Variants in MKLN1 observed in about 807,000 individuals in gnomAD.
The protein encoded by MKLN1 is muskelin.
In MKLN1, 18 loss-of-function variants were observed where a neutral mutation model predicts 99.0. The observed-to-expected ratio is 0.18, with a 90% CI of 0.13 to 0.27. The LOEUF (loss-of-function observed/expected upper bound fraction) is 0.27. Ranked by LOEUF, MKLN1 falls within the 10% of genes least tolerant of loss-of-function variation. The pLI is 1.00. For synonymous variants in MKLN1, 288 were observed against 293.2 expected (o/e 0.98, Z 0.18); for missense variants, 621 against 875.9 (o/e 0.71, Z 3.67).
intron 1 of MKLN1, among the ~76,000 whole-genome samples, chr7:131,357,128 T>G (rs1799908294): frequency 6.6e-6 from 1 of 152,198 alleles, no homozygotes; most frequent in South Asian, 2.1e-4. Flanking sequence ...TAATCCATAG[T>G]TTATTTAAAT....
intron 2 of MKLN1, among the ~76,000 whole-genome samples, chr7:131,187,046 G>C (rs1253613485): frequency 6.6e-6 from 1 of 152,204 alleles, no homozygotes; most frequent in Non-Finnish European, 1.5e-5. Context: ...CTCCGAGTAG[G>C]CAAGAAGGAC....
intron 3 of MKLN1, among the ~76,000 whole-genome samples, chr7:131,313,929 C>T (rs1403171601): frequency 6.6e-6 from 1 of 152,110 alleles, no homozygotes; most frequent in Non-Finnish European, 1.5e-5. Context: ...ATCCTGGGTC[C>T]CCAAAAAGAG....
In MKLN1 at chr7:131,295,547, G is replaced by GAA. The variant is rs59935776; in HGVS notation, c.-178-79869_-178-79868dup. On this transcript the variant is annotated intron_variant, in intron 3 of 7. Transcript: ENST00000416992. ...TCTTACAGTTTTATGAGGGAAAAAA[G>GAA]AAAAAAAAAGGCATAAAGAATAGGA... Among the ~76,000 whole-genome samples, 226 of 149,438 alleles carry GAA rather than the reference G, an allele frequency of 1.5e-3. 2 individuals carry two copies. Among genetic ancestry groups the GAA allele is most frequent in the African/African-American group, 5.0e-3 (201 of 40,590 alleles).
At chr7:131,328,169 C>T (rs528311907) in intron 1 of MKLN1, 172 bp downstream of exon 1, 62 of 811,592 alleles carry the variant, frequency 7.6e-5, no homozygotes, top group Middle Eastern at 3.5e-4. Context: ...CGGCCTCGCT[C>T]GGGAAGGGGT....
chr7:131,480,600 C>T (rs749556313), intron 17 of MKLN1, among the ~76,000 whole-genome samples: 1 of 152,130 alleles, frequency 6.6e-6, no homozygotes, highest in Non-Finnish European at 1.5e-5. Flanking sequence ...GAAGGTTCTC[C>T]TAAGAATTTA....
intron 15 of MKLN1, among the ~76,000 whole-genome samples, chr7:131,466,744 T>G (rs923480525): frequency 6.6e-6 from 1 of 152,210 alleles, no homozygotes; most frequent in African/African-American, 2.4e-5. Flanking sequence ...TGCCTGAGCT[T>G]TTGATAACTC....
At chr7:131,216,422 C>T (rs77203351) in intron 3 of MKLN1, among the ~76,000 whole-genome samples, 2 of 116,426 alleles carry the variant, frequency 1.7e-5, no homozygotes, top group African/African-American at 6.6e-5. Context: ...GTCTCTGACT[C>T]AAAAAAAAAA....
At chr7:131,195,196 G>A (rs550028024) in intron 2 of MKLN1, among the ~76,000 whole-genome samples, 13 of 152,244 alleles carry the variant, frequency 8.5e-5, no homozygotes, top group Admixed American at 5.9e-4. Flanking sequence ...GAGGAGACGC[G>A]TTAAAGAAGG....
chr7:131,165,431 C>T (rs572189557), intron 2 of MKLN1, among the ~76,000 whole-genome samples: 5 of 152,220 alleles, frequency 3.3e-5, no homozygotes, highest in African/African-American at 7.2e-5. Flanking sequence ...GTGATCTGCC[C>T]GCCTCGGCCT....
At chr7:131,125,123 T>C (rs1221299179) in intron 1 of MKLN1, among the ~76,000 whole-genome samples, 1 of 152,186 alleles carries the variant, frequency 6.6e-6, no homozygotes, top group Non-Finnish European at 1.5e-5. Flanking sequence ...ACATCAGTAA[T>C]GCTTTCCCAA....
intron 3 of MKLN1, among the ~76,000 whole-genome samples, chr7:131,218,323 C>G (rs1797013869): frequency 6.6e-6 from 1 of 152,154 alleles, no homozygotes; most frequent in Non-Finnish European, 1.5e-5. Flanking sequence ...AAAACAATGA[C>G]TGATTAGAGT....
intron 6 of MKLN1, among the ~76,000 whole-genome samples, chr7:131,403,142 G>A (rs551064261): frequency 1.8e-4 from 27 of 152,264 alleles, no homozygotes; most frequent in African/African-American, 6.3e-4. Flanking sequence ...CTTCATCAGT[G>A]ATCTTAGCAA....
At chr7:131,397,200 CT>C in intron 4 of MKLN1, 66 bp from the exon 5 acceptor site, 1 of 1,106,510 alleles carries the variant, frequency 9.0e-7, no homozygotes, top group Non-Finnish European at 1.3e-6. Context: ...AGTGCTTTTA[CT>C]TTGCTAAAGT....
chr7:131,268,822 C>T (rs145752666), intron 3 of MKLN1, among the ~76,000 whole-genome samples: 88 of 152,262 alleles, frequency 5.8e-4, no homozygotes, highest in African/African-American at 2.0e-3. Flanking sequence ...TCTTGTATGT[C>T]GTCAAAGATG....
At chr7:131,330,740 T>C (rs1799047313) in intron 1 of MKLN1, among the ~76,000 whole-genome samples, 1 of 152,240 alleles carries the variant, frequency 6.6e-6, no homozygotes, top group African/African-American at 2.4e-5. Context: ...AACAATTTTA[T>C]CTCTATTTTC....
At chr7:131,285,642 G>C (rs2116588349) in intron 3 of MKLN1, among the ~76,000 whole-genome samples, 1 of 152,264 alleles carries the variant, frequency 6.6e-6, no homozygotes, top group South Asian at 2.1e-4. Flanking sequence ...GTAGCGATGA[G>C]GATAAAGAAT....
intron 12 of MKLN1, among the ~76,000 whole-genome samples, chr7:131,447,609 G>T (rs1034002791): frequency 6.6e-6 from 1 of 152,188 alleles, no homozygotes; most frequent in African/African-American, 2.4e-5. Flanking sequence ...CCTGAAAAAG[G>T]TAGTGAAGAT....
chr7:131,370,972 C>T (rs1793427586), intron 1 of MKLN1, among the ~76,000 whole-genome samples: 1 of 152,056 alleles, frequency 6.6e-6, no homozygotes, highest in African/African-American at 2.4e-5. Context: ...CTTTCCAAAC[C>T]CCCTAGGCTA....
intron 3 of MKLN1, chr7:131,243,034 G>C: frequency 2.1e-6 from 1 of 465,186 alleles, no homozygotes. Flanking sequence ...AAATTAAACA[G>C]AAAAAAAAAA....
Sources: gnomAD v4.1 joint callset for allele counts (sites outside exome capture counted in the v4.1 genomes callset) on GRCh38, gnomAD v4.1.1 for gene constraint, MANE v1.5 for transcripts, NCBI Gene and HGNC (gene_info 2026-07-23, HGNC 2026-07-21) for gene names.